Variants in PDSS2 observed in about 807,000 individuals in gnomAD.
PDSS2 encodes the protein all trans-polyprenyl-diphosphate synthase PDSS2.
A neutral mutation model predicts 44.5 loss-of-function variants in PDSS2; 31 were observed. That is an observed-to-expected ratio of 0.70 (90% CI 0.52 to 0.94). PDSS2 has a LOEUF of 0.94. Among genes scored for constraint, PDSS2 ranks in the 40% least tolerant of loss-of-function variants. The pLI is 0.00. For synonymous variants in PDSS2, 157 were observed against 180.3 expected, an observed-to-expected ratio of 0.87 and a Z score of 1.03; for missense variants, 452 against 482.2, an observed-to-expected ratio of 0.94 and a Z score of 0.59.
At chr6:107,257,400 A>T (rs565277187) in intron 3 of PDSS2, among the ~76,000 whole-genome samples, 1 of 147,812 alleles carries the variant, frequency 6.8e-6, no homozygotes, top group Admixed American at 6.7e-5. Context: ...TTAACAAGGC[A>T]TGGTGTCTTG....
intron 7 of PDSS2, among the ~76,000 whole-genome samples, chr6:107,155,720 C>T (rs1770864810): frequency 6.6e-6 from 1 of 151,180 alleles, no homozygotes; most frequent in Admixed American, 6.6e-5. Flanking sequence ...GCTGGGACTA[C>T]AGGTGTGCAC....
intron 7 of PDSS2, chr6:107,192,500 C>T (rs1038456827): frequency 1.0e-5 from 4 of 384,250 alleles, no homozygotes; most frequent in Admixed American, 9.5e-5. Context: ...TTATTTGCTG[C>T]TCCTAGTAAA....
chr6:107,215,254 C>A (rs957676665), intron 4 of PDSS2, among the ~76,000 whole-genome samples: 1 of 152,048 alleles, frequency 6.6e-6, no homozygotes. Context: ...GAGCTGGGTG[C>A]AGTGGCTCAC....
intron 4 of PDSS2, among the ~76,000 whole-genome samples, chr6:107,214,621 T>C (rs539235804): frequency 1.3e-5 from 2 of 152,320 alleles, no homozygotes; most frequent in East Asian, 3.9e-4. Flanking sequence ...TTCCTGCTCC[T>C]GATCCTATAA....
chr6:107,215,559 A>T (rs1333860542), intron 4 of PDSS2, among the ~76,000 whole-genome samples: 1 of 152,210 alleles, frequency 6.6e-6, no homozygotes, highest in Non-Finnish European at 1.5e-5. Context: ...ACAATGTAAT[A>T]GAAGAGATAA....
In PDSS2 at chr6:107,224,015, T is replaced by C. The variant is rs996540875; in HGVS notation, c.703-11733A>G. 3.3e-5 allele frequency among the ~76,000 whole-genome samples: 5 copies of C among 151,168 alleles called. 1 individual carries two copies. The highest frequency in any genetic ancestry group is 4.9e-5 in the African/African-American group (2 of 40,548). On this transcript the variant is annotated intron_variant, in intron 4 of 7. Coordinates refer to ENST00000369037, the MANE Select transcript of PDSS2 (RefSeq NM_020381.4). ...TCTCAAAGAAGTGTGAACCCCGTTGTGAACTGTGCATGCCAGGGATCTAGG... is the reference window on the plus strand; with the variant it reads ...TCTCAAAGAAGTGTGAACCCCGTTGCGAACTGTGCATGCCAGGGATCTAGG...
chr6:107,177,652 T>C (rs1022061849), intron 7 of PDSS2, among the ~76,000 whole-genome samples: 2 of 152,228 alleles, frequency 1.3e-5, no homozygotes, highest in African/African-American at 2.4e-5. Flanking sequence ...TTTAGTATCA[T>C]ATTCCAAAGA....
At chr6:107,223,857 A>G (rs576123464) in intron 4 of PDSS2, among the ~76,000 whole-genome samples, 7 of 150,514 alleles carry the variant, frequency 4.7e-5, no homozygotes, top group African/African-American at 2.5e-5. Context: ...GGGGTCCCCA[A>G]CCTCCAGGCC....
At chr6:107,425,487 G>A (rs1185788565) in intron 1 of PDSS2, among the ~76,000 whole-genome samples, 2 of 152,178 alleles carry the variant, frequency 1.3e-5, no homozygotes, top group Non-Finnish European at 2.9e-5. Flanking sequence ...TTCTTGTTAT[G>A]TTTTAGCAAA....
At chr6:107,197,580 G>A (rs1355857187) in intron 6 of PDSS2, among the ~76,000 whole-genome samples, 2 of 152,062 alleles carry the variant, frequency 1.3e-5, no homozygotes, top group Non-Finnish European at 2.9e-5. Context: ...TTGTTGATGG[G>A]GAGAAATCCT....
chr6:107,216,600 C>T (rs188996617), intron 4 of PDSS2, among the ~76,000 whole-genome samples: 32 of 152,248 alleles, frequency 2.1e-4, no homozygotes, highest in African/African-American at 7.0e-4. Context: ...AAAGATAACT[C>T]GAATGAATAT....
At chr6:107,326,726 C>G (rs1026017400) in intron 2 of PDSS2, among the ~76,000 whole-genome samples, 1 of 151,798 alleles carries the variant, frequency 6.6e-6, no homozygotes, top group African/African-American at 2.4e-5. Context: ...GTGGTGCAGA[C>G]CTGTAATCTC....
intron 1 of PDSS2, among the ~76,000 whole-genome samples, chr6:107,366,477 C>T (rs2114339498): frequency 6.6e-6 from 1 of 151,702 alleles, no homozygotes; most frequent in Admixed American, 6.6e-5. Flanking sequence ...AGCAAACTAA[C>T]CCCAAGCAAG....
chr6:107,164,323 C>G (rs1554247184), intron 7 of PDSS2, among the ~76,000 whole-genome samples: 1 of 152,142 alleles, frequency 6.6e-6, no homozygotes, highest in East Asian at 1.9e-4. Flanking sequence ...CCACTTCCCC[C>G]ACCCCACGAC....
chr6:107,330,987 T>C (rs1423789115), intron 2 of PDSS2, among the ~76,000 whole-genome samples: 1 of 152,200 alleles, frequency 6.6e-6, no homozygotes, highest in Non-Finnish European at 1.5e-5. Flanking sequence ...TAACTCCCAT[T>C]TGGTCCTTCA....
chr6:107,284,331 A>G, intron 2 of PDSS2, among the ~76,000 whole-genome samples: 1 of 152,116 alleles, frequency 6.6e-6, no homozygotes, highest in East Asian at 1.9e-4. Flanking sequence ...AAAATATTGC[A>G]TCAAGAACAT....
chr6:107,422,829 C>T (rs1780868994), intron 1 of PDSS2, among the ~76,000 whole-genome samples: 1 of 152,008 alleles, frequency 6.6e-6, no homozygotes, highest in Non-Finnish European at 1.5e-5. Flanking sequence ...CCGACAGGAG[C>T]ATGTTTTATA....
At chr6:107,259,145 C>G (rs539190412) in intron 3 of PDSS2, among the ~76,000 whole-genome samples, 1 of 151,904 alleles carries the variant, frequency 6.6e-6, no homozygotes, top group South Asian at 2.1e-4. Flanking sequence ...TATAGTAAGC[C>G]CTCAAAAATA....
chr6:107,429,901 AAT>A lies in PDSS2; in HGVS notation c.296+29087_296+29088del, dbSNP rs869061691. ...CTTAGTCTCAAAAAAAAAAAAAAAA[AAT>A]ATATATATATATATATATATATATA... On this transcript the variant is annotated intron_variant, in intron 1 of 7. Transcript: ENST00000369037. 3.1e-3 allele frequency among the ~76,000 whole-genome samples: 100 copies of A among 31,804 alleles called. 1 individual carries two copies. The East Asian group carries it at 0.058, about 19-fold the overall frequency. 20.9% of individuals were successfully genotyped at this position (31,804 alleles called of 152,430 possible). A position where few individuals can be genotyped will look rare whatever the true frequency, so the allele number is the denominator to read the frequency against.
Sources: gnomAD v4.1 joint callset for allele counts (sites outside exome capture counted in the v4.1 genomes callset) on GRCh38, gnomAD v4.1.1 for gene constraint, MANE v1.5 for transcripts, NCBI Gene and HGNC (gene_info 2026-07-23, HGNC 2026-07-21) for gene names.